Variants in SMIM14 observed in about 807,000 individuals in gnomAD.
The protein encoded by SMIM14 is small integral membrane protein 14.
In SMIM14, 5 loss-of-function variants were observed where a neutral mutation model predicts 12.6. That is an observed-to-expected ratio of 0.40 (90% confidence interval 0.21 to 0.83). The LOEUF is 0.83. SMIM14 is among the 40% of genes least tolerant of loss of function. SMIM14 has a pLI of 0.37. For synonymous variants in SMIM14, 30 were observed against 40.1 expected, an observed-to-expected ratio of 0.75 and a Z score of 0.95; for missense variants, 86 against 119.1, an observed-to-expected ratio of 0.72 and a Z score of 1.29.
intron 1 of SMIM14, among the ~76,000 whole-genome samples, chr4:39,626,779 C>T (rs545367669): frequency 6.6e-6 from 1 of 152,214 alleles, no homozygotes; most frequent in Admixed American, 6.5e-5. Flanking sequence ...TATTCCATCA[C>T]TACTAGGCTT....
chr4:39,602,035 G>A (rs1714635965), intron 2 of SMIM14, among the ~76,000 whole-genome samples: 1 of 150,976 alleles, frequency 6.6e-6, no homozygotes, highest in South Asian at 2.1e-4. Flanking sequence ...AGATAGTTGA[G>A]CTCAGGAGTT....
chr4:39,591,902 TAGTC>T (rs1204125221), intron 2 of SMIM14, among the ~76,000 whole-genome samples: 2 of 151,966 alleles, frequency 1.3e-5, no homozygotes, highest in Non-Finnish European at 2.9e-5. Context: ...TATAATAACA[TAGTC>T]AGAGAAGCTT....
At chr4:39,600,020 G>T (rs73240618) in intron 2 of SMIM14, among the ~76,000 whole-genome samples, 1 of 151,496 alleles carries the variant, frequency 6.6e-6, no homozygotes, top group Non-Finnish European at 1.5e-5. Flanking sequence ...TTAGGGGCAA[G>T]ATAAATTTGG....
intron 3 of SMIM14, among the ~76,000 whole-genome samples, chr4:39,563,678 TA>T (rs1329311855): frequency 3.3e-5 from 5 of 152,160 alleles, no homozygotes; most frequent in Admixed American, 3.3e-4. Flanking sequence ...CCCTCTTCCA[TA>T]AAAATCTCCA....
intron 1 of SMIM14, among the ~76,000 whole-genome samples, chr4:39,614,617 C>T (rs1005566105): frequency 1.3e-5 from 2 of 152,078 alleles, no homozygotes; most frequent in African/African-American, 2.4e-5. Flanking sequence ...CCACTGCACC[C>T]GGCCCCTATG....
intron 3 of SMIM14, among the ~76,000 whole-genome samples, chr4:39,565,304 A>T: frequency 6.6e-6 from 1 of 152,164 alleles, no homozygotes; most frequent in Non-Finnish European, 1.5e-5. Context: ...CTTCTATTAC[A>T]TATTAAATAG....
At chr4:39,559,831 A>T (rs969865666) in intron 3 of SMIM14, among the ~76,000 whole-genome samples, 6 of 152,082 alleles carry the variant, frequency 3.9e-5, no homozygotes, top group Non-Finnish European at 1.5e-5. Flanking sequence ...GAAACAGCTA[A>T]ACAGGCCGGG....
rs1218166461 is a variant in SMIM14 at position 39,551,035 on chromosome 4, G to C, written c.*1091C>G. The C allele has an allele frequency of 6.6e-6, 1 of 151,864 alleles. No individual in the cohort carries two copies. Among genetic ancestry groups the C allele is most frequent in the Non-Finnish European group, 1.5e-5 (1 of 68,038 alleles). 9.4% of individuals were successfully genotyped at this position (151,864 alleles called of 1,614,324 possible). On this transcript the variant is annotated 3_prime_UTR_variant, in exon 5 of 5. Transcript: ENST00000295958. ...AGCAATTCTCCTGCTTTGGCCTCCT[G>C]AGTAGCTGGGATTACAGGCACATGC... is the stretch of plus-strand genomic sequence containing the variant.
chr4:39,574,243 T>C (rs1324731304), intron 2 of SMIM14, among the ~76,000 whole-genome samples: 20 of 144,796 alleles, frequency 1.4e-4, no homozygotes, highest in Admixed American at 4.0e-4. Context: ...CTTTCTTTTT[T>C]TTTTTTTTTT....
chr4:39,598,507 T>G (rs1013186303), intron 2 of SMIM14, among the ~76,000 whole-genome samples: 9 of 152,182 alleles, frequency 5.9e-5, no homozygotes, highest in African/African-American at 2.4e-5. Context: ...TGTACCAGTA[T>G]AGAGTATGAA....
intron 2 of SMIM14, among the ~76,000 whole-genome samples, chr4:39,596,476 G>T (rs1302521648): frequency 6.6e-6 from 1 of 152,102 alleles, no homozygotes; most frequent in African/African-American, 2.4e-5. Flanking sequence ...AAAACTAAAT[G>T]GTCAGGACTG....
At chr4:39,582,099 G>A (rs886147946) in intron 2 of SMIM14, among the ~76,000 whole-genome samples, 11 of 151,680 alleles carry the variant, frequency 7.3e-5, no homozygotes, top group African/African-American at 2.7e-4. Context: ...TCAAACTCCC[G>A]ACCTCAGGTG....
intron 3 of SMIM14, among the ~76,000 whole-genome samples, chr4:39,563,052 T>C (rs1478043740): frequency 6.6e-6 from 1 of 151,882 alleles, no homozygotes; most frequent in Non-Finnish European, 1.5e-5. Flanking sequence ...GTCACCCCCA[T>C]ACCTCTTCTT....
chr4:39,610,825 T>C lies in SMIM14; in HGVS notation c.-35-5645A>G, dbSNP rs541602052. ...TACATTTCTTATGAGTATGTATTTATGCATTAAGACTTCTAAAATATAAAT... is the reference window on the plus strand; with the variant it reads ...TACATTTCTTATGAGTATGTATTTACGCATTAAGACTTCTAAAATATAAAT... On this transcript the variant is annotated intron_variant, in intron 1 of 4. Coordinates refer to ENST00000295958, the MANE Select transcript of SMIM14 (RefSeq NM_174921.3). 7.1e-4 allele frequency among the ~76,000 whole-genome samples: 108 copies of C among 152,220 alleles called. 2 individuals are homozygous for C. The South Asian group carries it at 0.02, about 28-fold the overall frequency.
intron 2 of SMIM14, among the ~76,000 whole-genome samples, chr4:39,579,432 A>C (rs1713379837): frequency 6.6e-6 from 1 of 151,982 alleles, no homozygotes; most frequent in Non-Finnish European, 1.5e-5. Flanking sequence ...AAAAGAAAAA[A>C]AAGAAAAGAA....
intron 1 of SMIM14, among the ~76,000 whole-genome samples, chr4:39,635,494 T>G (rs1170117118): frequency 6.6e-6 from 1 of 151,750 alleles, no homozygotes; most frequent in Non-Finnish European, 1.5e-5. Flanking sequence ...AGACCAGGAG[T>G]TGCTGCAACA....
chr4:39,559,235 G>A (rs1451028180), intron 3 of SMIM14, among the ~76,000 whole-genome samples: 1 of 151,954 alleles, frequency 6.6e-6, no homozygotes. Flanking sequence ...ACATCTCTAC[G>A]AAAATTAGCT....
At chr4:39,633,973 C>T (rs902891651) in intron 1 of SMIM14, among the ~76,000 whole-genome samples, 7 of 152,198 alleles carry the variant, frequency 4.6e-5, no homozygotes, top group African/African-American at 1.7e-4. Context: ...CGCTCTGTCG[C>T]AAGGCTGGAG....
chr4:39,575,079 G>GTTT lies in SMIM14; in HGVS notation c.76-2619_76-2617dup, dbSNP rs372419357. On this transcript the variant is annotated intron_variant, in intron 2 of 4. Coordinates refer to ENST00000295958, the MANE Select transcript of SMIM14 (RefSeq NM_174921.3). The stretch of plus-strand genomic sequence containing the variant: ...TTGTTTTAATAAGAACGAGAAAATA[G>GTTT]TTTTTTTTTTTTTTTTTTTTGAGAC... 5.0e-3 allele frequency among the ~76,000 whole-genome samples: 633 copies of GTTT among 125,380 alleles called. 12 individuals are homozygous for GTTT. The highest frequency in any genetic ancestry group is 7.5e-3 in the Non-Finnish European group (445 of 59,622). The allele number at this position is 125,380 out of a possible 152,430, so 82.3% of individuals were successfully genotyped here. A position where few individuals can be genotyped will look rare whatever the true frequency, so the allele number is the denominator to read the frequency against.
Sources: gnomAD v4.1 joint callset for allele counts (sites outside exome capture counted in the v4.1 genomes callset) on GRCh38, gnomAD v4.1.1 for gene constraint, MANE v1.5 for transcripts, NCBI Gene and HGNC (gene_info 2026-07-23, HGNC 2026-07-21) for gene names.